Variants in MDFIC2 observed in about 807,000 individuals in gnomAD.
MDFIC2 encodes the protein myoD family inhibitor domain-containing protein 2.
intron 2 of MDFIC2, among the ~76,000 whole-genome samples, chr3:70,209,405 G>A (rs1009200770): frequency 2.0e-5 from 3 of 152,020 alleles, no homozygotes; most frequent in Non-Finnish European, 2.9e-5. Flanking sequence ...ACAGAGTGGC[G>A]TGTATCTTAT....
intron 2 of MDFIC2, among the ~76,000 whole-genome samples, chr3:70,228,972 C>T (rs1049979242): frequency 4.6e-5 from 7 of 152,032 alleles, no homozygotes; most frequent in South Asian, 2.1e-4. Flanking sequence ...TGAAGAAACA[C>T]GGAGAATACC....
intron 2 of MDFIC2, among the ~76,000 whole-genome samples, chr3:70,288,996 G>T (rs983303847): frequency 6.6e-6 from 1 of 152,106 alleles, no homozygotes; most frequent in Admixed American, 6.5e-5. Flanking sequence ...ACACTGATGG[G>T]TCTTAAATCT....
intron 2 of MDFIC2, among the ~76,000 whole-genome samples, chr3:70,280,016 A>G (rs530883787): frequency 1.3e-5 from 2 of 152,180 alleles, no homozygotes; most frequent in Non-Finnish European, 2.9e-5. Context: ...CCAGTTCTTG[A>G]GGCCAGAAGT....
intron 3 of MDFIC2, chr3:70,205,718 A>G (rs924970891): frequency 4.6e-5 from 7 of 152,138 alleles, no homozygotes; most frequent in African/African-American, 1.7e-4. Flanking sequence ...GCTGTTATTC[A>G]AAGTTTATTT....
rs7434025 is a variant in MDFIC2, at chr3:70,274,386, T to G, written c.88+37500A>C. ...ATTCTCTTGAAATATAGAATGAGTA[T>G]GTGATAGAAATGAGCACTGATATAT... On this transcript the variant is annotated intron_variant, in intron 2 of 3. Transcript: ENST00000567252. Among the ~76,000 whole-genome samples the G allele has an allele frequency of 7.0e-3, 1,068 of 152,220 alleles. 12 individuals are homozygous for G. The highest frequency in any genetic ancestry group is 0.025 in the African/African-American group (1,037 of 41,476).
chr3:70,222,486 T>A (rs1701469749), intron 2 of MDFIC2, among the ~76,000 whole-genome samples: 1 of 152,236 alleles, frequency 6.6e-6, no homozygotes, highest in Non-Finnish European at 1.5e-5. Context: ...TTGGATAGGT[T>A]GGTTTTCGGT....
At position 70,292,936 on chromosome 3, in the gene MDFIC2, A is replaced by C. The variant is rs150332078; in HGVS notation, c.88+18950T>G. 2.8e-3 allele frequency among the ~76,000 whole-genome samples: 426 copies of C among 152,012 alleles called. 3 individuals are homozygous for C. Among genetic ancestry groups the C allele is most frequent in the African/African-American group, 9.4e-3 (390 of 41,496 alleles). On this transcript the variant is annotated intron_variant, in intron 2 of 3. Coordinates refer to ENST00000567252, the MANE Select transcript of MDFIC2 (RefSeq NM_001364677.1). ...TGATTTGAAATTATCTAACAAGAAAAACATACATACAATTAATTACTAACA... is the reference window on the plus strand; with the variant it reads ...TGATTTGAAATTATCTAACAAGAAACACATACATACAATTAATTACTAACA...
At chr3:70,281,532 G>C (rs1040311586) in intron 2 of MDFIC2, among the ~76,000 whole-genome samples, 1 of 152,112 alleles carries the variant, frequency 6.6e-6, no homozygotes, top group Non-Finnish European at 1.5e-5. Flanking sequence ...GTGATAAAAT[G>C]AGATCATATA....
chr3:70,236,793 T>C (rs1302076039), intron 2 of MDFIC2, among the ~76,000 whole-genome samples: 2 of 152,112 alleles, frequency 1.3e-5, no homozygotes, highest in Admixed American at 1.3e-4. Flanking sequence ...ATGGGGTCTT[T>C]GTATGTTGCC....
At chr3:70,264,055 C>T (rs1157263248) in intron 2 of MDFIC2, among the ~76,000 whole-genome samples, 1 of 152,222 alleles carries the variant, frequency 6.6e-6, no homozygotes, top group East Asian at 1.9e-4. Context: ...ATTCTGTAAT[C>T]ATCTTGTGTC....
chr3:70,312,209 C>G (rs2106710917), intron 1 of MDFIC2, among the ~76,000 whole-genome samples: 1 of 152,276 alleles, frequency 6.6e-6, no homozygotes, highest in South Asian at 2.1e-4. Flanking sequence ...AAGATTGTTA[C>G]AAGACCTTAC....
intron 2 of MDFIC2, among the ~76,000 whole-genome samples, chr3:70,288,242 G>A (rs1277499627): frequency 7.7e-6 from 1 of 130,110 alleles, no homozygotes; most frequent in South Asian, 3.3e-4. Flanking sequence ...GCATCCCAGA[G>A]ATTCTGGTAT....
chr3:70,263,607 T>C (rs1701888137), intron 2 of MDFIC2, among the ~76,000 whole-genome samples: 1 of 152,046 alleles, frequency 6.6e-6, no homozygotes, highest in Non-Finnish European at 1.5e-5. Context: ...CCTCATAGGG[T>C]TTCACTTCAC....
At chr3:70,276,764 A>G (rs781477563) in intron 2 of MDFIC2, among the ~76,000 whole-genome samples, 40 of 152,366 alleles carry the variant, frequency 2.6e-4, no homozygotes, top group Middle Eastern at 3.4e-3. Context: ...CTATAATGGC[A>G]GAATTGAATA....
intron 2 of MDFIC2, among the ~76,000 whole-genome samples, chr3:70,295,147 G>T (rs1702277363): frequency 6.6e-6 from 1 of 152,150 alleles, no homozygotes; most frequent in African/African-American, 2.4e-5. Flanking sequence ...GGGTGATGGA[G>T]TCACCCTGGA....
Position 70,305,713 on chromosome 3 carries a change from T to C in MDFIC2, c.88+6173A>G, listed in dbSNP as rs141991342. Among the ~76,000 whole-genome samples the C allele has an allele frequency of 2.4e-4, 37 of 152,306 alleles. 1 individual carries two copies. The highest frequency in any genetic ancestry group is 8.4e-4 in the African/African-American group (35 of 41,574). ...AATGTTCATGATCCAAAATTATTTT[T>C]TGAGGAAATGAAGTAAGTTGTCTTC... On this transcript the variant is annotated intron_variant, in intron 2 of 3. Transcript: ENST00000567252.
chr3:70,243,565 G>A (rs989491772), intron 2 of MDFIC2, among the ~76,000 whole-genome samples: 11 of 152,078 alleles, frequency 7.2e-5, no homozygotes, highest in Non-Finnish European at 1.0e-4. Context: ...CTGCACTATC[G>A]TCATTTTGGA....
Position 70,252,241 on chromosome 3 carries a change from A to G in MDFIC2, c.89-45451T>C, listed in dbSNP as rs79974643. On this transcript the variant is annotated intron_variant, in intron 2 of 3. Coordinates refer to ENST00000567252, the MANE Select transcript of MDFIC2 (RefSeq NM_001364677.1). ...TCTGCAAACCCATAGTTTCAGTGGA[A>G]TTCTTATCCAATGTATGACTTAGGC... is the stretch of plus-strand genomic sequence containing the variant. Among the ~76,000 whole-genome samples, 1,393 of 152,284 alleles carry G rather than the reference A, an allele frequency of 9.1e-3. 9 individuals are homozygous for G. Among genetic ancestry groups the G allele is most frequent in the Non-Finnish European group, 0.015 (1,010 of 68,004 alleles).
chr3:70,278,930 T>C (rs1452658143), intron 2 of MDFIC2, among the ~76,000 whole-genome samples: 1 of 151,402 alleles, frequency 6.6e-6, no homozygotes. Context: ...GCTCAATGAA[T>C]AGTTTCTTTC....
Sources: allele counts gnomAD v4.1 joint callset (sites outside exome capture counted in the v4.1 genomes callset), GRCh38; gene constraint gnomAD v4.1.1; transcripts MANE v1.5; gene names NCBI Gene and HGNC (gene_info 2026-07-23, HGNC 2026-07-21).